TLK2: variants seen among roughly 807,000 people sequenced by gnomAD.
The protein encoded by TLK2 is tousled like kinase 2, also known as serine/threonine-protein kinase tousled-like 2.
A neutral mutation model predicts 117.3 loss-of-function variants in TLK2; 6 were observed. The observed-to-expected ratio is 0.05, with a 90% CI of 0.03 to 0.10. The LOEUF is 0.10. Among genes scored for constraint, TLK2 ranks in the 10% least tolerant of loss-of-function variants. TLK2 has a pLI of 1.00. For missense variants in TLK2, 299 were observed against 901.2 expected, an observed-to-expected ratio of 0.33 and a Z score of 8.56; for synonymous variants, 257 against 316.7, an observed-to-expected ratio of 0.81 and a Z score of 2.00.
chr17:62,565,342 A>T (rs1369449249), intron 11 of TLK2, among the ~76,000 whole-genome samples: 1 of 152,186 alleles, frequency 6.6e-6, no homozygotes, highest in Non-Finnish European at 1.5e-5. Flanking sequence ...GTACAAAATG[A>T]GTTCCAGAAA....
rs558615693 is a variant in TLK2, at chr17:62,583,073, G to GTTGTTT, written c.1368+2895_1368+2900dup. Among the ~76,000 whole-genome samples the GTTGTTT allele has an allele frequency of 2.5e-3, 373 of 152,078 alleles. 3 individuals are homozygous for GTTGTTT. The highest frequency in any genetic ancestry group is 6.8e-3 in the African/African-American group (282 of 41,506). On this transcript the variant is annotated intron_variant, in intron 15 of 21. Coordinates refer to ENST00000346027, the MANE Select transcript of TLK2 (RefSeq NM_006852.6). The stretch of plus-strand genomic sequence containing the variant: ...TCTCTCGCCTACCGTGTATAGTGCT[G>GTTGTTT]TTGTTTTTGTTTTTGTTTTGTTTGT...
At chr17:62,584,294 A>G (rs941949876) in intron 15 of TLK2, among the ~76,000 whole-genome samples, 6 of 150,534 alleles carry the variant, frequency 4.0e-5, no homozygotes, top group African/African-American at 1.5e-4. Flanking sequence ...TTTTTTGTAT[A>G]TTTTTTAGTA....
intron 11 of TLK2, among the ~76,000 whole-genome samples, chr17:62,569,783 T>C (rs2080125412): frequency 6.6e-6 from 1 of 152,132 alleles, no homozygotes; most frequent in African/African-American, 2.4e-5. Context: ...AAGTGTAAAA[T>C]GTAGTTTTGC....
intron 18 of TLK2, among the ~76,000 whole-genome samples, chr17:62,601,357 A>T (rs1253043080): frequency 6.6e-6 from 1 of 152,190 alleles, no homozygotes; most frequent in Non-Finnish European, 1.5e-5. Context: ...AAATCTGCAT[A>T]GTTCTATAGA....
intron 2 of TLK2, among the ~76,000 whole-genome samples, chr17:62,491,904 T>C (rs2073150525): frequency 6.6e-6 from 1 of 152,184 alleles, no homozygotes; most frequent in African/African-American, 2.4e-5. Flanking sequence ...ACTCTTAACA[T>C]ATCCTTTTTC....
intron 2 of TLK2, among the ~76,000 whole-genome samples, chr17:62,490,959 C>T (rs1356360809): frequency 6.6e-6 from 1 of 152,192 alleles, no homozygotes; most frequent in African/African-American, 2.4e-5. Flanking sequence ...TGGCCTCAAA[C>T]TCCTGGGCTC....
chr17:62,510,084 G>A (rs1298716309), intron 2 of TLK2, among the ~76,000 whole-genome samples: 1 of 152,150 alleles, frequency 6.6e-6, no homozygotes, highest in Non-Finnish European at 1.5e-5. Context: ...GACCAGCCTG[G>A]GCAAAGTGGT....
intron 1 of TLK2, among the ~76,000 whole-genome samples, chr17:62,473,393 G>A (rs2070978720): frequency 1.3e-5 from 2 of 152,086 alleles, no homozygotes; most frequent in Non-Finnish European, 1.5e-5. Flanking sequence ...AAGGCTCCCA[G>A]AGACCCACAC....
At chr17:62,604,430 C>T (rs1450036332) in intron 19 of TLK2, among the ~76,000 whole-genome samples, 1 of 151,904 alleles carries the variant, frequency 6.6e-6, no homozygotes, top group Non-Finnish European at 1.5e-5. Context: ...ATTTTTAGCA[C>T]AGTTTAGTAT....
At chr17:62,525,377 A>C (rs1039953927) in intron 6 of TLK2, among the ~76,000 whole-genome samples, 1 of 152,220 alleles carries the variant, frequency 6.6e-6, no homozygotes, top group African/African-American at 2.4e-5. Context: ...GCACTTATGA[A>C]AACATAAGTT....
chr17:62,575,913 G>T lies in TLK2; in HGVS notation c.1122-796G>T, dbSNP rs532500456. Among the ~76,000 whole-genome samples the T allele has an allele frequency of 1.5e-4, 23 of 152,170 alleles. No homozygotes were observed. In the South Asian group the frequency reaches 4.6e-3, roughly 30 times the overall value. On this transcript the variant is annotated intron_variant, in intron 12 of 21. Transcript: ENST00000346027. ...GAGTGTTGCTTTGTTGCCCAGGCTG[G>T]TCTCAAACTCCTGGCTCCAAGTCCT... is the stretch of plus-strand genomic sequence containing the variant.
At chr17:62,596,109 C>A (rs1239403070) in intron 16 of TLK2, among the ~76,000 whole-genome samples, 5 of 152,120 alleles carry the variant, frequency 3.3e-5, no homozygotes, top group Admixed American at 6.6e-5. Flanking sequence ...GATAGAGTCT[C>A]GCTCTGTCAC....
chr17:62,536,990 G>T (rs1459524081), intron 7 of TLK2, among the ~76,000 whole-genome samples: 1 of 152,206 alleles, frequency 6.6e-6, no homozygotes, highest in Non-Finnish European at 1.5e-5. Flanking sequence ...TACTTTTCCT[G>T]GTTTTTGGGC....
chr17:62,606,858 T>C (rs2083339505), intron 20 of TLK2, among the ~76,000 whole-genome samples: 1 of 152,188 alleles, frequency 6.6e-6, no homozygotes, highest in South Asian at 2.1e-4. Flanking sequence ...ATTGCTGTTT[T>C]TGTGTGTTTG....
At chr17:62,514,150 T>TC (rs1286828763) in intron 2 of TLK2, among the ~76,000 whole-genome samples, 1 of 147,932 alleles carries the variant, frequency 6.8e-6, no homozygotes, top group Non-Finnish European at 1.5e-5. Flanking sequence ...AAATAATAAT[T>TC]TTTTTTTTTT....
At chr17:62,527,448 G>T in intron 6 of TLK2, among the ~76,000 whole-genome samples, 1 of 152,048 alleles carries the variant, frequency 6.6e-6, no homozygotes, top group Non-Finnish European at 1.5e-5. Context: ...TGCTGCAGAA[G>T]TCCCCCTGAG....
At position 62,502,652 on chromosome 17, in the gene TLK2, A is replaced by T. The variant is rs369085676; in HGVS notation, c.82-18121A>T. Among the ~76,000 whole-genome samples, 7 of 152,358 alleles carry T rather than the reference A, an allele frequency of 4.6e-5. No individual in the cohort carries two copies. In the East Asian group the frequency reaches 1.3e-3, roughly 29 times the overall value. ...CATAGCCTTAAGCAAGCTATAAAAA[A>T]GCTACTAGAATTTAAGTTTAGTTAG... On this transcript the variant is annotated intron_variant, in intron 2 of 21. Transcript: ENST00000346027.
Position 62,612,246 on chromosome 17 carries a change from G to C in TLK2, c.2080-146G>C, listed in dbSNP as rs951816907. 27 of 753,336 alleles carry C rather than the reference G, an allele frequency of 3.6e-5. No homozygotes were observed. The African/African-American group carries it at 4.4e-4, about 12-fold the overall frequency. 46.7% of individuals were successfully genotyped at this position (753,336 alleles called of 1,614,324 possible). ...TCCTTCCCTTGTGTTCTTTGGGTCTGCCTGGTGATTTCTGAGGAAGGCCTT... is the reference window on the plus strand; with the variant it reads ...TCCTTCCCTTGTGTTCTTTGGGTCTCCCTGGTGATTTCTGAGGAAGGCCTT... On this transcript the variant is annotated intron_variant, in intron 21 of 21. Coordinates refer to ENST00000346027, the MANE Select transcript of TLK2 (RefSeq NM_006852.6).
Position 62,612,805 on chromosome 17 carries a change from C to T in TLK2, c.*240C>T, listed in dbSNP as rs2083899268. 8.8e-6 allele frequency: 3 copies of T among 342,490 alleles called. No individual in the cohort carries two copies. The highest frequency in any genetic ancestry group is 1.1e-5 in the Non-Finnish European group (2 of 189,696). 21.2% of individuals were successfully genotyped at this position (342,490 alleles called of 1,614,324 possible). A position where few individuals can be genotyped will look rare whatever the true frequency, so the allele number is the denominator to read the frequency against. On this transcript the variant is annotated 3_prime_UTR_variant, in exon 22 of 22. Coordinates refer to ENST00000346027, the MANE Select transcript of TLK2 (RefSeq NM_006852.6). The stretch of plus-strand genomic sequence containing the variant: ...GCCCCGCCCGAGGTTCCAGCGTCAA[C>T]GGCCACTGTGTGTGGCTGCTCTGAG...
Sources: allele counts gnomAD v4.1 joint callset (sites outside exome capture counted in the v4.1 genomes callset), GRCh38; gene constraint gnomAD v4.1.1; transcripts MANE v1.5; gene names NCBI Gene and HGNC (gene_info 2026-07-23, HGNC 2026-07-21).